ORC5: variants seen among roughly 807,000 people sequenced by gnomAD.
ORC5 encodes origin recognition complex subunit 5.
In ORC5, 39 loss-of-function variants were observed where a neutral mutation model predicts 58.8. The observed-to-expected ratio is 0.66, with a 90% CI of 0.51 to 0.87. ORC5 has a LOEUF of 0.87. Among genes scored for constraint, ORC5 ranks in the 40% least tolerant of loss-of-function variants. ORC5 has a pLI of 0.00. For missense variants in ORC5, 493 were observed against 506.3 expected (o/e 0.97, Z 0.25); for synonymous variants, 218 against 177.6 (o/e 1.23, Z -1.81).
At chr7:104,128,577 G>A (rs1034656078) in intron 13 of ORC5, among the ~76,000 whole-genome samples, 1 of 151,738 alleles carries the variant, frequency 6.6e-6, no homozygotes, top group African/African-American at 2.4e-5. Context: ...ACAATGTGCA[G>A]GTTAGTTACA....
rs565664501 is a variant in ORC5 at position 104,197,870 on chromosome 7, C to G, written c.367-71G>C. 6 of 932,788 alleles carry G rather than the reference C, an allele frequency of 6.4e-6. No homozygotes were observed. The African/African-American group carries it at 1.0e-4, about 16-fold the overall frequency. 57.8% of individuals were successfully genotyped at this position (932,788 alleles called of 1,614,324 possible). ...GCCTTTACAAAATGACATGATTTGACTATGTCCCCCAAAGTTCATGTGTTG... is the reference window on the plus strand; with the variant it reads ...GCCTTTACAAAATGACATGATTTGAGTATGTCCCCCAAAGTTCATGTGTTG... On this transcript the variant is annotated intron_variant, in intron 3 of 13. Transcript: ENST00000297431.
intron 12 of ORC5, among the ~76,000 whole-genome samples, chr7:104,151,790 CA>C (rs1440476025): frequency 6.6e-6 from 1 of 152,148 alleles, no homozygotes; most frequent in Non-Finnish European, 1.5e-5. Context: ...GCACTAGCGC[CA>C]AGGGAGTAGA....
intron 2 of ORC5, 75 bp downstream of exon 2, chr7:104,204,067 T>C: frequency 2.8e-6 from 2 of 716,150 alleles, no homozygotes; most frequent in Non-Finnish European, 2.3e-6. Context: ...TTTGCATTTG[T>C]GGAGATTCAC....
intron 5 of ORC5, among the ~76,000 whole-genome samples, chr7:104,190,971 A>G (rs1799661560): frequency 6.6e-6 from 1 of 151,892 alleles, no homozygotes; most frequent in Admixed American, 6.6e-5. Context: ...TATAAACAGA[A>G]GTTTAGAAAT....
chr7:104,163,771 G>A (rs1211014109), intron 11 of ORC5, among the ~76,000 whole-genome samples: 2 of 152,210 alleles, frequency 1.3e-5, no homozygotes, highest in African/African-American at 2.4e-5. Context: ...GACTACAGGT[G>A]TGAGGCACCC....
chr7:104,140,256 A>G (rs1798651587), intron 12 of ORC5, among the ~76,000 whole-genome samples: 1 of 151,946 alleles, frequency 6.6e-6, no homozygotes. Flanking sequence ...CATAGACTCC[A>G]TTTGTTTTTA....
At chr7:104,177,100 T>C (rs997862302) in intron 8 of ORC5, among the ~76,000 whole-genome samples, 1 of 152,228 alleles carries the variant, frequency 6.6e-6, no homozygotes. Context: ...ATGATTAACA[T>C]GGAAATAGCT....
chr7:104,174,150 T>C (rs890247603), intron 8 of ORC5, among the ~76,000 whole-genome samples: 3 of 151,862 alleles, frequency 2.0e-5, no homozygotes, highest in Non-Finnish European at 4.4e-5. Context: ...GGCCGTAAAA[T>C]TTTTGTGAAT....
chr7:104,192,034 T>C (rs1173539567), intron 5 of ORC5, among the ~76,000 whole-genome samples: 1 of 151,932 alleles, frequency 6.6e-6, no homozygotes, highest in South Asian at 2.1e-4. Context: ...GGTAAACAAA[T>C]AAGGTGAGTC....
intron 12 of ORC5, among the ~76,000 whole-genome samples, chr7:104,147,822 T>C (rs1246802656): frequency 6.6e-6 from 1 of 152,190 alleles, no homozygotes; most frequent in Non-Finnish European, 1.5e-5. Flanking sequence ...CATTGGGTGT[T>C]GATGATTAGA....
Position 104,174,134 on chromosome 7 carries a change from G to A in ORC5, c.825-5609C>T, listed in dbSNP as rs1434607473. Among the ~76,000 whole-genome samples, 5 of 152,186 alleles carry A rather than the reference G, an allele frequency of 3.3e-5. No homozygotes were observed. In the South Asian group the frequency reaches 6.2e-4, roughly 19 times the overall value. On this transcript the variant is annotated intron_variant, in intron 8 of 13. Coordinates refer to ENST00000297431, the MANE Select transcript of ORC5 (RefSeq NM_002553.4). ...GCTGGGATTACAGGCGTGAGCCACC[G>A]CGCCCGGCCGTAAAATTTTTGTGAA...
intron 12 of ORC5, among the ~76,000 whole-genome samples, chr7:104,142,427 A>C (rs1337557567): frequency 1.3e-5 from 2 of 152,198 alleles, no homozygotes; most frequent in African/African-American, 4.8e-5. Context: ...TTCACAGCAA[A>C]GGAAACAACC....
At chr7:104,181,158 T>G (rs531956113) in intron 8 of ORC5, among the ~76,000 whole-genome samples, 88 of 152,316 alleles carry the variant, frequency 5.8e-4, no homozygotes, top group African/African-American at 2.0e-3. Context: ...TGAGGATGTT[T>G]TTATGATTTT....
At chr7:104,156,147 A>G (rs983379639) in intron 12 of ORC5, among the ~76,000 whole-genome samples, 6 of 151,272 alleles carry the variant, frequency 4.0e-5, no homozygotes, top group Non-Finnish European at 7.4e-5. Flanking sequence ...GCATACATAG[A>G]AGGGCTACAT....
Position 104,173,751 on chromosome 7 carries a change from T to C in ORC5, c.825-5226A>G, listed in dbSNP as rs1026274825. Among the ~76,000 whole-genome samples the C allele has an allele frequency of 4.6e-5, 7 of 152,204 alleles. No homozygotes were observed. In the East Asian group the frequency reaches 1.3e-3, roughly 29 times the overall value. On this transcript the variant is annotated intron_variant, in intron 8 of 13. Coordinates refer to ENST00000297431, the MANE Select transcript of ORC5 (RefSeq NM_002553.4). ...TCCGGTTACTATAAAATTTGTGTTC[T>C]GTGAGGTATGTCTTTTCTGGTGAAT... is the stretch of plus-strand genomic sequence containing the variant.
intron 5 of ORC5, among the ~76,000 whole-genome samples, chr7:104,192,729 A>G (rs569658408): frequency 6.6e-6 from 1 of 152,232 alleles, no homozygotes; most frequent in South Asian, 2.1e-4. Context: ...AGGTAACTGA[A>G]TTAGTACACA....
intron 8 of ORC5, among the ~76,000 whole-genome samples, chr7:104,174,124 G>A (rs1799273224): frequency 6.6e-6 from 1 of 152,128 alleles, no homozygotes; most frequent in African/African-American, 2.4e-5. Context: ...GATTACAGGC[G>A]TGAGCCACCG....
At chr7:104,179,174 C>G (rs181477782) in intron 8 of ORC5, among the ~76,000 whole-genome samples, 9 of 148,538 alleles carry the variant, frequency 6.1e-5, no homozygotes, top group African/African-American at 1.5e-4. Flanking sequence ...GTCTTGAACT[C>G]CCATGCTCAA....
Position 104,183,251 on chromosome 7 carries a change from G to A in ORC5, c.824+692C>T, listed in dbSNP as rs1288992981. ...AAATTAACTTAACAACGGACTCTAG[G>A]TAGACTCAGCCACTCCCTTCAAACC... On this transcript the variant is annotated intron_variant, in intron 8 of 13. Transcript: ENST00000297431. 2.0e-5 allele frequency among the ~76,000 whole-genome samples: 3 copies of A among 152,134 alleles called. No homozygotes were observed. In the East Asian group the frequency reaches 5.8e-4, roughly 29 times the overall value.
Sources: gnomAD v4.1 joint callset for allele counts (sites outside exome capture counted in the v4.1 genomes callset) on GRCh38, gnomAD v4.1.1 for gene constraint, MANE v1.5 for transcripts, NCBI Gene and HGNC (gene_info 2026-07-23, HGNC 2026-07-21) for gene names.